TRPM3: variants seen among roughly 807,000 people sequenced by gnomAD.
TRPM3 encodes the protein transient receptor potential cation channel subfamily M member 3, also known as long transient receptor potential channel 3.
In TRPM3, 77 loss-of-function variants were observed where a neutral mutation model predicts 181.2. The ratio of observed to expected loss-of-function variants is 0.42; its 90% CI spans 0.35 to 0.51. TRPM3 has a LOEUF of 0.51. TRPM3 is among the 20% of genes least tolerant of loss of function. The pLI, the probability that TRPM3 is intolerant of heterozygous loss-of-function variation, is 0.01. For synonymous variants in TRPM3, 745 were observed against 796.4 expected (o/e 0.94, Z 1.09); for missense variants, 1,759 against 2,196.7 (o/e 0.80, Z 3.98).
intron 1 of TRPM3, among the ~76,000 whole-genome samples, chr9:70,872,636 G>T (rs114117662): frequency 6.6e-6 from 1 of 151,890 alleles, no homozygotes; most frequent in African/African-American, 2.4e-5. Flanking sequence ...TTTGTTTTTT[G>T]TCTGTGTCCC....
At chr9:70,628,861 C>T (rs964209245) in intron 12 of TRPM3, among the ~76,000 whole-genome samples, 1 of 142,590 alleles carries the variant, frequency 7.0e-6, no homozygotes, top group Admixed American at 7.2e-5. Context: ...TGGGTAATAC[C>T]AAGCCTAACA....
intron 25 of TRPM3, among the ~76,000 whole-genome samples, chr9:70,545,170 A>G (rs2044507457): frequency 6.6e-6 from 1 of 152,222 alleles, no homozygotes; most frequent in Non-Finnish European, 1.5e-5. Context: ...AAATTTTGTT[A>G]TACTATATTA....
rs190681330 is a variant in TRPM3, at chr9:70,622,231, G to C, written c.1810-958C>G. Among the ~76,000 whole-genome samples, 178 of 152,232 alleles carry C rather than the reference G, an allele frequency of 1.2e-3. 2 individuals carry two copies. The South Asian group carries it at 0.019, about 17-fold the overall frequency. On this transcript the variant is annotated intron_variant, in intron 14 of 25. Transcript: ENST00000677713. ...TAAATCTGCTCGTCCCTAGATATTGGATTTCCTACCCTCCAGAACTGTGAG... is the reference window on the plus strand; with the variant it reads ...TAAATCTGCTCGTCCCTAGATATTGCATTTCCTACCCTCCAGAACTGTGAG...
intron 1 of TRPM3, among the ~76,000 whole-genome samples, chr9:71,328,262 C>G (rs965973273): frequency 6.6e-6 from 1 of 152,118 alleles, no homozygotes; most frequent in Non-Finnish European, 1.5e-5. Context: ...CTCCCGGGTT[C>G]ACGCCATTCT....
intron 5 of TRPM3, among the ~76,000 whole-genome samples, chr9:70,840,343 G>A (rs2094560943): frequency 6.6e-6 from 1 of 152,086 alleles, no homozygotes. Context: ...AAATACAACT[G>A]TCTTTCCTGT....
intron 6 of TRPM3, 86 bp downstream of exon 6, chr9:70,827,761 A>G: frequency 1.4e-6 from 2 of 1,471,186 alleles, no homozygotes; most frequent in African/African-American, 2.8e-5. Flanking sequence ...TCAAGTTTTT[A>G]TTACATTGCT....
chr9:70,850,758 T>G (rs746646218), intron 3 of TRPM3, among the ~76,000 whole-genome samples: 1 of 152,212 alleles, frequency 6.6e-6, no homozygotes. Flanking sequence ...TTTAGTAAAA[T>G]AAAGTAGAAC....
chr9:70,773,720 G>A (rs951176277), intron 7 of TRPM3, among the ~76,000 whole-genome samples: 14 of 152,020 alleles, frequency 9.2e-5, no homozygotes, highest in East Asian at 7.7e-4. Flanking sequence ...AGCATTTCTC[G>A]TTCTTCATCT....
chr9:70,889,056 C>G (rs922295685), intron 1 of TRPM3, among the ~76,000 whole-genome samples: 1 of 152,212 alleles, frequency 6.6e-6, no homozygotes, highest in Middle Eastern at 3.4e-3. Context: ...AGAGAATGTT[C>G]AAAGCTCGGG....
intron 1 of TRPM3, among the ~76,000 whole-genome samples, chr9:71,220,088 C>T (rs1052492613): frequency 5.3e-5 from 8 of 152,086 alleles, no homozygotes; most frequent in African/African-American, 1.9e-4. Flanking sequence ...CTATTTCTGC[C>T]TGGTGAACTG....
At chr9:71,314,075 AATTT>A (rs898379909) in intron 1 of TRPM3, among the ~76,000 whole-genome samples, 1 of 152,134 alleles carries the variant, frequency 6.6e-6, no homozygotes, top group Non-Finnish European at 1.5e-5. Flanking sequence ...TAGAGTCAAT[AATTT>A]ATTTAACTAT....
chr9:70,631,796 T>G (rs1214585028), intron 12 of TRPM3, among the ~76,000 whole-genome samples: 1 of 152,228 alleles, frequency 6.6e-6, no homozygotes, highest in East Asian at 1.9e-4. Context: ...AATTTGAGAT[T>G]TCAAAACAAG....
chr9:71,181,954 G>A (rs1315134271), intron 1 of TRPM3, among the ~76,000 whole-genome samples: 2 of 152,102 alleles, frequency 1.3e-5, no homozygotes, highest in Non-Finnish European at 2.9e-5. Context: ...AGAATCACCA[G>A]GAGGGCCTGG....
intron 3 of TRPM3, among the ~76,000 whole-genome samples, chr9:70,849,308 C>A (rs191052341): frequency 6.6e-6 from 1 of 152,204 alleles, no homozygotes; most frequent in Admixed American, 6.5e-5. Context: ...CCAGGCCCAG[C>A]TAATTTTTTT....
chr9:71,242,424 T>C (rs1222977344), intron 1 of TRPM3, among the ~76,000 whole-genome samples: 1 of 152,168 alleles, frequency 6.6e-6, no homozygotes, highest in Non-Finnish European at 1.5e-5. Context: ...GTGAAAACAA[T>C]CTGTTTATTT....
intron 22 of TRPM3, among the ~76,000 whole-genome samples, chr9:70,569,670 C>T (rs2051667229): frequency 6.6e-6 from 1 of 152,078 alleles, no homozygotes; most frequent in South Asian, 2.1e-4. Flanking sequence ...CTAGTTTGTA[C>T]TTAGTAAAAC....
At chr9:70,855,389 C>G (rs912505551) in intron 3 of TRPM3, among the ~76,000 whole-genome samples, 2 of 152,212 alleles carry the variant, frequency 1.3e-5, no homozygotes, top group Non-Finnish European at 2.9e-5. Flanking sequence ...CATCAGTCAC[C>G]TCTTTAGGGC....
chr9:71,189,433 C>CAT (rs2077875889), intron 1 of TRPM3, among the ~76,000 whole-genome samples: 1 of 151,870 alleles, frequency 6.6e-6, no homozygotes, highest in Non-Finnish European at 1.5e-5. Context: ...CGTGCATATA[C>CAT]ACCCATCCTT....
intron 6 of TRPM3, among the ~76,000 whole-genome samples, chr9:70,822,624 A>G (rs990501826): frequency 6.6e-6 from 1 of 152,172 alleles, no homozygotes; most frequent in African/African-American, 2.4e-5. Flanking sequence ...CTGGAGATGA[A>G]TGGTGGTGAT....
Sources: gnomAD v4.1 joint callset for allele counts (sites outside exome capture counted in the v4.1 genomes callset) on GRCh38, gnomAD v4.1.1 for gene constraint, MANE v1.5 for transcripts, NCBI Gene and HGNC (gene_info 2026-07-23, HGNC 2026-07-21) for gene names.